WIPF3: variants seen among roughly 807,000 people sequenced by gnomAD.
WIPF3 encodes the protein WAS/WASL-interacting protein family member 3.
WIPF3 carries 33 observed loss-of-function variants against 38.9 expected under a neutral mutation model. The ratio of observed to expected loss-of-function variants is 0.85; its 90% CI spans 0.64 to 1.14. The LOEUF (loss-of-function observed/expected upper bound fraction) is 1.14, where lower values mean the gene tolerates loss of function less well. WIPF3 is among the 50% of genes most tolerant of loss of function. The pLI, the probability that WIPF3 is intolerant of heterozygous loss-of-function variation, is 0.00. For synonymous variants in WIPF3, 324 were observed against 269.3 expected (o/e 1.20, Z -1.99); for missense variants, 711 against 652.5 (o/e 1.09, Z -0.98).
At chr7:29,866,252 C>T (rs1562780999) in intron 2 of WIPF3, among the ~76,000 whole-genome samples, 2 of 152,220 alleles carry the variant, frequency 1.3e-5, no homozygotes, top group African/African-American at 4.8e-5. Flanking sequence ...TTGGAATTTT[C>T]CCTTGCTTAG....
Position 29,878,861 on chromosome 7 carries a change from T to C in WIPF3, c.224-148T>C. On this transcript the variant is annotated intron_variant, in intron 3 of 8. Transcript: ENST00000242140. The surrounding 1 kb of genome is among the most constrained non-coding windows in gnomAD (Gnocchi z 4.0). ...CAAGGCAGAGGGTGCTTGGGGAGGA[T>C]GCTGAGTGAAAGGATGACATTGGAG... 1.1e-6 allele frequency: 1 copy of C among 891,756 alleles called. No homozygotes were observed. Among genetic ancestry groups the C allele is most frequent in the Non-Finnish European group, 1.7e-6 (1 of 593,396 alleles). The allele number at this position is 891,756 out of a possible 1,614,324, so 55.2% of individuals were successfully genotyped here.
At chr7:29,860,344 G>A (rs1450493887) in intron 2 of WIPF3, among the ~76,000 whole-genome samples, 1 of 152,104 alleles carries the variant, frequency 6.6e-6, no homozygotes, top group Non-Finnish European at 1.5e-5. Flanking sequence ...GTTGGGTCAT[G>A]GGGACAGCTC....
At chr7:29,836,814 C>T (rs1185651729) in intron 2 of WIPF3, among the ~76,000 whole-genome samples, 1 of 151,932 alleles carries the variant, frequency 6.6e-6, no homozygotes, top group Non-Finnish European at 1.5e-5. Flanking sequence ...CATGGCTAAA[C>T]CCCATCTCTA....
intron 1 of WIPF3, among the ~76,000 whole-genome samples, chr7:29,825,690 T>G (rs749119006): frequency 6.6e-6 from 1 of 152,152 alleles, no homozygotes; most frequent in Non-Finnish European, 1.5e-5. Flanking sequence ...AAAATTAGAG[T>G]GAATTCAATG....
At chr7:29,832,431 A>G (rs1784737087) in intron 1 of WIPF3, among the ~76,000 whole-genome samples, 1 of 152,224 alleles carries the variant, frequency 6.6e-6, no homozygotes, top group Non-Finnish European at 1.5e-5. Flanking sequence ...AGTTTTGGTA[A>G]TAAAATAACA....
chr7:29,847,789 T>A (rs1442356485), intron 2 of WIPF3, among the ~76,000 whole-genome samples: 1 of 151,792 alleles, frequency 6.6e-6, no homozygotes, highest in Non-Finnish European at 1.5e-5. Context: ...GGAGTTAGAG[T>A]AATATTTTTA....
chr7:29,837,224 T>C (rs1784819009), intron 2 of WIPF3, among the ~76,000 whole-genome samples: 1 of 150,496 alleles, frequency 6.6e-6, no homozygotes, highest in African/African-American at 2.5e-5. Context: ...GGCATGGTGG[T>C]GGGCGCCTGT....
At chr7:29,882,174 G>C (rs1432397131) in intron 4 of WIPF3, among the ~76,000 whole-genome samples, 1 of 152,198 alleles carries the variant, frequency 6.6e-6, no homozygotes, top group Non-Finnish European at 1.5e-5. Context: ...CTCACTTTAA[G>C]GGTTTTTGAA....
rs1784306789 is a variant in WIPF3 at position 29,807,785 on chromosome 7, G to A, written c.-58+1107G>A. On this transcript the variant is annotated intron_variant, in intron 1 of 8. Transcript: ENST00000242140. ...AGGCTGTCTCTTCGCCTCTGTGCCT[G>A]GGGTCCTTGGCTGTAAATGAGGGCC... 2.0e-5 allele frequency among the ~76,000 whole-genome samples: 3 copies of A among 152,212 alleles called. No individual in the cohort carries two copies. The South Asian group carries it at 6.2e-4, about 32-fold the overall frequency.
chr7:29,814,697 T>C (rs547888215), intron 1 of WIPF3, among the ~76,000 whole-genome samples: 6 of 152,248 alleles, frequency 3.9e-5, no homozygotes, highest in Non-Finnish European at 7.3e-5. Context: ...TGTGAAGAGT[T>C]GTTTTGGGGG....
intron 8 of WIPF3, among the ~76,000 whole-genome samples, chr7:29,911,197 T>TG (rs368268447): frequency 9.1e-4 from 138 of 152,290 alleles, no homozygotes; most frequent in African/African-American, 3.2e-3. Context: ...ACTTAGCAGT[T>TG]AACCAAGCAG....
At chr7:29,898,100 G>A (rs1033170394) in intron 7 of WIPF3, among the ~76,000 whole-genome samples, 1 of 152,116 alleles carries the variant, frequency 6.6e-6, no homozygotes, top group Non-Finnish European at 1.5e-5. Flanking sequence ...TCTTACCAAG[G>A]CCACCAGTGG....
rs1426339008 is a variant in WIPF3 at position 29,877,623 on chromosome 7, T to G, written c.224-1386T>G. Among the ~76,000 whole-genome samples the G allele has an allele frequency of 2.0e-5, 3 of 152,342 alleles. No individual in the cohort carries two copies. In the East Asian group the frequency reaches 5.8e-4, roughly 29 times the overall value. On this transcript the variant is annotated intron_variant, in intron 3 of 8. Transcript: ENST00000242140. Reference sequence around the variant, plus strand: ...AGAAATTCAGTGTCAGGAATGATGGTAATGGACAAACCACAGATTGTCCAC... The same window carrying G: ...AGAAATTCAGTGTCAGGAATGATGGGAATGGACAAACCACAGATTGTCCAC...
At position 29,884,384 on chromosome 7, in the gene WIPF3, C is replaced by G; in HGVS notation, c.890C>G (p.Pro297Arg). Residue 297 changes from proline (P) to arginine (R), a missense_variant, in exon 5 of 9, where the codon CCC becomes CGC. By Grantham distance (103) the Pro-to-Arg change is moderately radical. Transcript: ENST00000242140. ...QEPPAPPPPL[P>R]PYASCSPRAS... is the part of the protein sequence containing the mutation. ...CCTCCCGCCCCGCCGCCCCCGCTCC[C>G]CCCTTATGCTTCTTGCTCCCCGAGG... 2 of 1,472,498 alleles carry G rather than the reference C, an allele frequency of 1.4e-6. No homozygotes were observed. Among genetic ancestry groups the G allele is most frequent in the Non-Finnish European group, 1.8e-6 (2 of 1,107,014 alleles). 91.2% of individuals were successfully genotyped at this position (1,472,498 alleles called of 1,614,324 possible).
At chr7:29,827,124 T>C (rs1784628410) in intron 1 of WIPF3, among the ~76,000 whole-genome samples, 1 of 152,196 alleles carries the variant, frequency 6.6e-6, no homozygotes, top group South Asian at 2.1e-4. Flanking sequence ...AAATACATGC[T>C]CAGTGATTTT....
intron 1 of WIPF3, among the ~76,000 whole-genome samples, chr7:29,820,442 T>G (rs1784518553): frequency 6.6e-6 from 1 of 152,180 alleles, no homozygotes; most frequent in Non-Finnish European, 1.5e-5. Context: ...TTATGTGTTC[T>G]GTTTTCTATT....
At chr7:29,894,570 G>C (rs975527774) in intron 7 of WIPF3, among the ~76,000 whole-genome samples, 8 of 152,168 alleles carry the variant, frequency 5.3e-5, no homozygotes, top group African/African-American at 1.9e-4. Flanking sequence ...GTGTGAATCA[G>C]ATGTGGTGTA....
At chr7:29,906,049 A>G (rs555860575) in intron 8 of WIPF3, 1 of 152,262 alleles carries the variant, frequency 6.6e-6, no homozygotes, top group East Asian at 1.9e-4. Flanking sequence ...AATAAGAAAA[A>G]CCAGCAAACC....
intron 8 of WIPF3, among the ~76,000 whole-genome samples, chr7:29,907,297 TATTA>T (rs1340610208): frequency 3.3e-5 from 5 of 152,206 alleles, no homozygotes; most frequent in Non-Finnish European, 5.9e-5. Flanking sequence ...TTAAAAGACT[TATTA>T]ATTTATGTTT....
Sources: gnomAD v4.1 joint callset for allele counts (sites outside exome capture counted in the v4.1 genomes callset) on GRCh38, gnomAD v4.1.1 for gene constraint, Gnocchi (gnomAD v3.1) non-coding constraint, MANE v1.5 for transcripts, NCBI Gene and HGNC (gene_info 2026-07-23, HGNC 2026-07-21) for gene names.